KLF12: variants seen among roughly 807,000 people sequenced by gnomAD.
KLF12 encodes the protein Krueppel-like factor 12.
In KLF12, 9 loss-of-function variants were observed where a neutral mutation model predicts 37.8. That is an observed-to-expected ratio of 0.24 (90% CI 0.14 to 0.42). The LOEUF is 0.42. Ranked by LOEUF, KLF12 falls within the 10% of genes least tolerant of loss-of-function variation. The pLI is 1.00. For synonymous variants in KLF12, 208 were observed against 202.1 expected, an observed-to-expected ratio of 1.03 and a Z score of -0.25; for missense variants, 411 against 516.0, an observed-to-expected ratio of 0.80 and a Z score of 1.97.
intron 2 of KLF12, among the ~76,000 whole-genome samples, chr13:73,967,114 C>T (rs1290354943): frequency 6.6e-6 from 1 of 152,314 alleles, no homozygotes; most frequent in Non-Finnish European, 1.5e-5. Flanking sequence ...AAATGTAACA[C>T]TTCCCAAATC....
At chr13:73,877,983 C>T (rs934986843) in intron 3 of KLF12, among the ~76,000 whole-genome samples, 4 of 152,078 alleles carry the variant, frequency 2.6e-5, no homozygotes, top group Non-Finnish European at 5.9e-5. Context: ...CCCACAGCCA[C>T]CCCGTCACCA....
At chr13:74,014,177 A>G (rs912268166) in intron 1 of KLF12, among the ~76,000 whole-genome samples, 2 of 152,236 alleles carry the variant, frequency 1.3e-5, no homozygotes, top group Admixed American at 6.5e-5. Flanking sequence ...TGATTCAAAT[A>G]TAACTTGTAC....
chr13:74,289,407 A>G, the KLF12 span, among the ~76,000 whole-genome samples: 1 of 152,220 alleles, frequency 6.6e-6, no homozygotes, highest in Non-Finnish European at 1.5e-5. Flanking sequence ...AGGACATGCA[A>G]TAGTGGAACA....
chr13:73,712,291 T>C (rs552036170), intron 7 of KLF12, among the ~76,000 whole-genome samples: 23 of 145,558 alleles, frequency 1.6e-4, no homozygotes, highest in Non-Finnish European at 3.3e-4. Context: ...TAAGCCGAGA[T>C]TGCGCCATTG....
chr13:73,793,195 T>G (rs1881783244), intron 5 of KLF12, among the ~76,000 whole-genome samples: 1 of 152,202 alleles, frequency 6.6e-6, no homozygotes, highest in African/African-American at 2.4e-5. Context: ...GCATTCACCA[T>G]CTCAAGGATC....
intron 4 of KLF12, among the ~76,000 whole-genome samples, chr13:73,814,598 A>G (rs534137020): frequency 1.3e-5 from 2 of 152,360 alleles, no homozygotes; most frequent in South Asian, 4.1e-4. Context: ...ATATAAATAT[A>G]CCAAAACGTG....
At position 74,010,131 on chromosome 13, in the gene KLF12, C is replaced by G. The variant is rs115199623; in HGVS notation, c.-31-15078G>C. Among the ~76,000 whole-genome samples the G allele has an allele frequency of 2.5e-3, 380 of 151,984 alleles. 1 individual carries two copies. Among genetic ancestry groups the G allele is most frequent in the African/African-American group, 8.9e-3 (368 of 41,482 alleles). ...CACCTGGCTGATTTTTTGGTAGAGA[C>G]TGGGTTTTGTCACATGGCCCAGGCT... On this transcript the variant is annotated intron_variant, in intron 1 of 7. Transcript: ENST00000377669.
the KLF12 span, among the ~76,000 whole-genome samples, chr13:74,285,364 G>A: frequency 6.6e-6 from 1 of 152,162 alleles, no homozygotes; most frequent in African/African-American, 2.4e-5. Flanking sequence ...AATGGCTAGA[G>A]TTGCGGTTAG....
chr13:74,267,691 T>A, the KLF12 span, among the ~76,000 whole-genome samples: 7 of 152,162 alleles, frequency 4.6e-5, no homozygotes, highest in African/African-American at 1.7e-4. Flanking sequence ...TGGTTAGCAA[T>A]AATTTATTGT....
At chr13:73,907,793 T>C (rs1002211291) in intron 3 of KLF12, among the ~76,000 whole-genome samples, 6 of 152,146 alleles carry the variant, frequency 3.9e-5, no homozygotes, top group Admixed American at 3.9e-4. Flanking sequence ...CATTCAAGGC[T>C]TCCCCTCACA....
the KLF12 span, among the ~76,000 whole-genome samples, chr13:74,241,386 G>T: frequency 3.3e-5 from 5 of 152,174 alleles, no homozygotes; most frequent in South Asian, 4.1e-4. Flanking sequence ...AGAGGTTACT[G>T]CTGTCTTTTT....
At chr13:74,285,497 C>G in the KLF12 span, among the ~76,000 whole-genome samples, 1 of 152,040 alleles carries the variant, frequency 6.6e-6, no homozygotes, top group African/African-American at 2.4e-5. Context: ...TAACTGCAGA[C>G]TGACGTTTTC....
intron 1 of KLF12, among the ~76,000 whole-genome samples, chr13:74,074,990 G>C (rs1874485597): frequency 6.6e-6 from 1 of 152,138 alleles, no homozygotes; most frequent in African/African-American, 2.4e-5. Flanking sequence ...ATATTTATTA[G>C]GCATCTTCTG....
At chr13:73,784,717 G>A (rs1368042198) in intron 5 of KLF12, among the ~76,000 whole-genome samples, 4 of 148,508 alleles carry the variant, frequency 2.7e-5, no homozygotes, top group African/African-American at 5.0e-5. Flanking sequence ...TGCAAGCTCC[G>A]CCTCCTGAGT....
chr13:74,030,459 A>C (rs758998088), intron 1 of KLF12, among the ~76,000 whole-genome samples: 21 of 152,068 alleles, frequency 1.4e-4, no homozygotes, highest in Non-Finnish European at 2.9e-5. Flanking sequence ...TCATTAGAAA[A>C]GAGGATATTT....
At chr13:74,162,320 A>C in the KLF12 span, among the ~76,000 whole-genome samples, 2 of 152,206 alleles carry the variant, frequency 1.3e-5, no homozygotes, top group South Asian at 4.1e-4. Flanking sequence ...CTACAAAGGA[A>C]GCCTCTTGTT....
At chr13:74,200,708 A>G in the KLF12 span, among the ~76,000 whole-genome samples, 2 of 152,082 alleles carry the variant, frequency 1.3e-5, no homozygotes, top group African/African-American at 4.8e-5. Context: ...CAGGTCTGCC[A>G]CATGAATTCA....
At chr13:74,050,933 A>G (rs958252225) in intron 1 of KLF12, among the ~76,000 whole-genome samples, 5 of 152,228 alleles carry the variant, frequency 3.3e-5, no homozygotes, top group African/African-American at 1.2e-4. Flanking sequence ...TAGTTACATG[A>G]AAAGGTGCTC....
intron 2 of KLF12, among the ~76,000 whole-genome samples, chr13:73,961,254 T>C (rs532381774): frequency 4.3e-4 from 65 of 152,284 alleles, no homozygotes; most frequent in African/African-American, 1.5e-3. Flanking sequence ...TAACAATGCA[T>C]TTTTGGAAGA....
Sources: allele counts gnomAD v4.1 joint callset (sites outside exome capture counted in the v4.1 genomes callset), GRCh38; gene constraint gnomAD v4.1.1; transcripts MANE v1.5; gene names NCBI Gene and HGNC (gene_info 2026-07-23, HGNC 2026-07-21).